The following PTPRO variants were observed in gnomAD, a reference collection of about 807,000 sequenced individuals.
PTPRO encodes the protein protein tyrosine phosphatase receptor type O, also known as receptor-type tyrosine-protein phosphatase O.
A neutral mutation model predicts 145.2 loss-of-function variants in PTPRO; 62 were observed. The observed-to-expected ratio is 0.43, with a 90% confidence interval of 0.35 to 0.53. The LOEUF is 0.53. PTPRO is among the 20% of genes least tolerant of loss of function. The pLI, the probability that PTPRO is intolerant of heterozygous loss-of-function variation, is 0.01. For missense variants in PTPRO, 1,345 were observed against 1,482.7 expected (o/e 0.91, Z 1.53); for synonymous variants, 565 against 514.7 (o/e 1.10, Z -1.32).
chr12:15,323,732 C>T (rs1866367923), intron 1 of PTPRO, among the ~76,000 whole-genome samples: 1 of 152,172 alleles, frequency 6.6e-6, no homozygotes, highest in Non-Finnish European at 1.5e-5. Flanking sequence ...TGACTTGGAG[C>T]TATCCTTTCA....
chr12:15,423,113 G>T (rs1037634385), intron 1 of PTPRO, among the ~76,000 whole-genome samples: 4 of 152,190 alleles, frequency 2.6e-5, no homozygotes, highest in Non-Finnish European at 5.9e-5. Context: ...AAACTGGGAA[G>T]AAGTCAGGGC....
intron 17 of PTPRO, among the ~76,000 whole-genome samples, chr12:15,562,741 C>CT (rs5796638): frequency 0.59 from 85,002 of 144,428 alleles, 25,111 homozygotes; most frequent in East Asian, 0.75. Context: ...AGTGTTAAAT[C>CT]TTTTTTTTTT....
At chr12:15,432,898 G>T (rs1034069098) in intron 1 of PTPRO, among the ~76,000 whole-genome samples, 4 of 152,106 alleles carry the variant, frequency 2.6e-5, no homozygotes, top group African/African-American at 9.7e-5. Context: ...CTGGATATTA[G>T]ATCTTTGTCA....
chr12:15,487,187 G>A (rs1941906332), intron 2 of PTPRO, among the ~76,000 whole-genome samples: 1 of 152,102 alleles, frequency 6.6e-6, no homozygotes, highest in African/African-American at 2.4e-5. Context: ...CTCAGGCTTA[G>A]GCAGACCCTG....
At chr12:15,560,302 A>G (rs1378675581) in intron 17 of PTPRO, 26 bp downstream of exon 17, 3 of 1,484,962 alleles carry the variant, frequency 2.0e-6, no homozygotes, top group East Asian at 2.3e-5. Context: ...TTACTGTTTA[A>G]CACAAACTCT....
intron 2 of PTPRO, among the ~76,000 whole-genome samples, chr12:15,487,696 T>C (rs572673632): frequency 6.6e-6 from 1 of 152,046 alleles, no homozygotes; most frequent in South Asian, 2.1e-4. Context: ...GTAGACTCTG[T>C]TTGTGTCTGT....
chr12:15,559,348 C>T (rs564145261), intron 16 of PTPRO, among the ~76,000 whole-genome samples: 5 of 152,174 alleles, frequency 3.3e-5, no homozygotes, highest in Admixed American at 2.0e-4. Context: ...TTTGTAATAA[C>T]TGAAGTGACA....
chr12:15,416,986 A>T (rs1238088499), intron 1 of PTPRO, among the ~76,000 whole-genome samples: 2 of 151,678 alleles, frequency 1.3e-5, no homozygotes, highest in Admixed American at 6.6e-5. Flanking sequence ...TATTGATTAG[A>T]TGTAATTGAT....
chr12:15,428,313 C>T (rs1488456600), intron 1 of PTPRO, among the ~76,000 whole-genome samples: 5 of 152,236 alleles, frequency 3.3e-5, no homozygotes, highest in Non-Finnish European at 7.4e-5. Context: ...TTAGCACTCT[C>T]GTTGTCTGTT....
At chr12:15,473,739 C>A (rs1273055977) in intron 1 of PTPRO, among the ~76,000 whole-genome samples, 1 of 138,124 alleles carries the variant, frequency 7.2e-6, no homozygotes, top group Non-Finnish European at 1.5e-5. Context: ...TGTGCTCCAG[C>A]CTGGGCAACA....
chr12:15,502,335 T>A (rs1413390721), intron 5 of PTPRO, among the ~76,000 whole-genome samples: 6 of 152,126 alleles, frequency 3.9e-5, no homozygotes, highest in Admixed American at 1.3e-4. Context: ...ATTTCTCATG[T>A]CTCAGAACAA....
intron 1 of PTPRO, among the ~76,000 whole-genome samples, chr12:15,446,905 G>A (rs574523342): frequency 6.6e-6 from 1 of 152,226 alleles, no homozygotes; most frequent in East Asian, 1.9e-4. Context: ...TGGCCAAGTT[G>A]CAATTCTCTC....
Position 15,557,526 on chromosome 12 carries a change from G to A in PTPRO, c.2627+3G>A, listed in dbSNP as rs1262674776. 2 of 1,612,506 alleles carry A rather than the reference G, an allele frequency of 1.2e-6. No individual in the cohort carries two copies. Among genetic ancestry groups the A allele is most frequent in the Non-Finnish European group, 1.7e-6 (2 of 1,178,600 alleles). On this transcript the variant is annotated splice_donor_region_variant and intron_variant, in intron 16 of 26. Coordinates refer to ENST00000281171, the MANE Select transcript of PTPRO (RefSeq NM_030667.3). Reference sequence around the variant, plus strand: ...GATGGAAAGCTTCCATACAACTGGTGAGTATTGTTTTGGAACAAGCTTCTA... The same window carrying A: ...GATGGAAAGCTTCCATACAACTGGTAAGTATTGTTTTGGAACAAGCTTCTA...
intron 1 of PTPRO, among the ~76,000 whole-genome samples, chr12:15,395,609 C>G (rs1939315235): frequency 6.6e-6 from 1 of 151,752 alleles, no homozygotes; most frequent in Admixed American, 6.6e-5. Flanking sequence ...ATTTTATTTT[C>G]TTATTGCTGG....
chr12:15,414,041 G>C (rs1284421237), intron 1 of PTPRO, among the ~76,000 whole-genome samples: 4 of 152,060 alleles, frequency 2.6e-5, no homozygotes, highest in Non-Finnish European at 5.9e-5. Context: ...AACTAGAAAG[G>C]AAACTATTGA....
chr12:15,494,563 C>T (rs1022581146), intron 2 of PTPRO, among the ~76,000 whole-genome samples: 10 of 152,310 alleles, frequency 6.6e-5, no homozygotes, highest in African/African-American at 2.4e-4. Context: ...GATGCTTAGA[C>T]ATCAACAGGA....
intron 1 of PTPRO, among the ~76,000 whole-genome samples, chr12:15,407,451 A>C (rs1473078360): frequency 6.6e-6 from 1 of 152,208 alleles, no homozygotes; most frequent in East Asian, 1.9e-4. Context: ...ACTTCAAAAT[A>C]TTAGTCTTGG....
chr12:15,388,948 C>T (rs923432313), intron 1 of PTPRO, among the ~76,000 whole-genome samples: 1 of 151,862 alleles, frequency 6.6e-6, no homozygotes, highest in African/African-American at 2.4e-5. Context: ...CTCTTATTGA[C>T]CTCTTTCCTT....
chr12:15,505,619 C>T (rs1015663237), intron 6 of PTPRO, among the ~76,000 whole-genome samples: 3 of 152,082 alleles, frequency 2.0e-5, no homozygotes, highest in Non-Finnish European at 2.9e-5. Flanking sequence ...TGGTAATGAG[C>T]TATTCAGATG....
Sources: gnomAD v4.1 joint callset for allele counts (sites outside exome capture counted in the v4.1 genomes callset) on GRCh38, gnomAD v4.1.1 for gene constraint, MANE v1.5 for transcripts, NCBI Gene and HGNC (gene_info 2026-07-23, HGNC 2026-07-21) for gene names.